UTP20: variants seen among roughly 807,000 people sequenced by gnomAD.
UTP20 encodes UTP20 small subunit processome component, also known as small subunit processome component 20 homolog.
A neutral mutation model predicts 329.5 loss-of-function variants in UTP20; 164 were observed. The observed-to-expected ratio is 0.50, with a 90% CI of 0.44 to 0.57. UTP20 has a LOEUF of 0.57. Ranked by LOEUF, UTP20 falls within the 20% of genes least tolerant of loss-of-function variation. UTP20 has a pLI of 0.00. For synonymous variants in UTP20, 1,151 were observed against 1,159.3 expected (o/e 0.99, Z 0.14); for missense variants, 3,055 against 3,284.2 (o/e 0.93, Z 1.71).
At chr12:101,307,915 A>G (rs1010320579) in intron 17 of UTP20, among the ~76,000 whole-genome samples, 3 of 152,280 alleles carry the variant, frequency 2.0e-5, no homozygotes, top group Non-Finnish European at 2.9e-5. Context: ...TTTTATTTCA[A>G]CAAATGTTGC....
chr12:101,368,044 C>A, intron 48 of UTP20, 68 bp downstream of exon 48: 1 of 1,120,190 alleles, frequency 8.9e-7, no homozygotes, highest in African/African-American at 1.5e-5. Flanking sequence ...TTGCAGAATA[C>A]CTAATGGTTG....
In UTP20 at chr12:101,312,375, C is replaced by A. The variant is rs375412327; in HGVS notation, c.2552+99C>A. On this transcript the variant is annotated intron_variant, in intron 21 of 61. Transcript: ENST00000261637. ...AAGTGGCTGAGTTCTTTGTTTTTTG[C>A]CTTCTTTCTTTCTGCTTCCAATCAT... 2.7e-6 allele frequency: 4 copies of A among 1,478,684 alleles called. No individual in the cohort carries two copies. The African/African-American group carries it at 4.2e-5, about 16-fold the overall frequency. 91.6% of individuals were successfully genotyped at this position (1,478,684 alleles called of 1,614,324 possible).
chr12:101,365,072 T>TAGTGTG (rs1555202433), intron 45 of UTP20, among the ~76,000 whole-genome samples: 19 of 142,010 alleles, frequency 1.3e-4, no homozygotes, highest in Admixed American at 8.5e-4. Context: ...ATTTTGTTGA[T>TAGTGTG]TGTGTGTGTG....
rs765683951 is a variant in UTP20 at position 101,383,557 on chromosome 12, T to C, written c.7944T>C (p.Phe2648=). 3.7e-6 allele frequency: 6 copies of C among 1,613,234 alleles called. No individual in the cohort carries two copies. The highest frequency in any genetic ancestry group is 5.1e-6 in the Non-Finnish European group (6 of 1,179,836). ...TGTACTTTCAGAGAACATGCATCTT[T>C]AAGTTCCTCGGCGCCGTAGCAATGG... ...PRNPLKRTCI[F]KFLGAVAMDL... is the part of the protein sequence containing the mutation. The change falls in exon 60 of 62, where the codon TTT becomes TTC. Residue 2648 remains phenylalanine, a synonymous_variant. Coordinates refer to ENST00000261637, the MANE Select transcript of UTP20 (RefSeq NM_014503.3).
Position 101,348,739 on chromosome 12 carries a change from GTT to G in UTP20, c.4884+2169_4884+2170del, listed in dbSNP as rs35417344. Among the ~76,000 whole-genome samples, 130 of 97,290 alleles carry G rather than the reference GTT, an allele frequency of 1.3e-3. 1 individual carries two copies. Among genetic ancestry groups the G allele is most frequent in the East Asian group, 3.2e-3 (10 of 3,140 alleles). The allele number at this position is 97,290 out of a possible 152,430, so 63.8% of individuals were successfully genotyped here. On this transcript the variant is annotated intron_variant, in intron 38 of 61. Transcript: ENST00000261637. ...TTTGTGTGTATGTGAGTTTTTGGTG[GTT>G]TTTTTTTTTTTTTTTTTGGAGAGAC...
rs1407384203 is a variant in UTP20 at position 101,372,882 on chromosome 12, A to C, written c.6799-2A>C. The stretch of plus-strand genomic sequence containing the variant: ...AATCATCTGTGTGACTTTTGTTCCT[A>C]GGTTTTTCTGAAATATATTCTTGAC... On this transcript the variant is annotated splice_acceptor_variant, in intron 51 of 61. Coordinates refer to ENST00000261637, the MANE Select transcript of UTP20 (RefSeq NM_014503.3). LOFTEE classifies it high-confidence loss of function. 2 of 1,612,802 alleles carry C rather than the reference A, an allele frequency of 1.2e-6. No individual in the cohort carries two copies. Among genetic ancestry groups the C allele is most frequent in the Non-Finnish European group, 1.7e-6 (2 of 1,178,926 alleles).
chr12:101,302,220 C>T (rs573397447), intron 14 of UTP20, among the ~76,000 whole-genome samples: 16 of 152,292 alleles, frequency 1.1e-4, no homozygotes, highest in African/African-American at 3.8e-4. Context: ...TATGAGCCAC[C>T]ATGACCAGCC....
intron 57 of UTP20, 114 bp from the exon 58 acceptor site, chr12:101,381,026 C>A: frequency 1.2e-6 from 1 of 849,312 alleles, no homozygotes; most frequent in Non-Finnish European, 1.9e-6. Context: ...TACAGGTGGT[C>A]ATTCAGAGCA....
At chr12:101,340,888 G>C (rs141432751) in intron 32 of UTP20, among the ~76,000 whole-genome samples, 60 of 140,518 alleles carry the variant, frequency 4.3e-4, no homozygotes, top group African/African-American at 1.5e-3. Flanking sequence ...CATTTCAGGG[G>C]TTTTTCTTTC....
chr12:101,383,794 A>T (rs1012836000), intron 60 of UTP20, 125 bp downstream of exon 60: 26 of 370,984 alleles, frequency 7.0e-5, no homozygotes, highest in African/African-American at 1.1e-4. Context: ...TTATATATAT[A>T]TTTTAATTAT....
intron 40 of UTP20, among the ~76,000 whole-genome samples, chr12:101,354,582 T>C (rs141394644): frequency 3.9e-5 from 6 of 152,274 alleles, no homozygotes; most frequent in African/African-American, 1.4e-4. Flanking sequence ...CCAATTACCC[T>C]GTACCTGCAG....
At chr12:101,331,886 GTT>G (rs1039604792) in intron 27 of UTP20, among the ~76,000 whole-genome samples, 4 of 142,784 alleles carry the variant, frequency 2.8e-5, no homozygotes, top group Non-Finnish European at 3.1e-5. Flanking sequence ...TCTCCCATTT[GTT>G]TTTTTTTTTT....
intron 57 of UTP20, 142 bp from the exon 58 acceptor site, chr12:101,380,998 C>T (rs906340455): frequency 1.5e-6 from 1 of 672,830 alleles, no homozygotes; most frequent in Non-Finnish European, 2.6e-6. Flanking sequence ...GGTCATGAAC[C>T]TTTCCTCTCC....
rs1212212526 is a variant in UTP20 at position 101,386,175 on chromosome 12, T to C, written c.*52T>C. On this transcript the variant is annotated 3_prime_UTR_variant, in exon 62 of 62. Coordinates refer to ENST00000261637, the MANE Select transcript of UTP20 (RefSeq NM_014503.3). ...AACTTTCTGGAATATTCTGCTAGTC[T>C]GAAATTACAGTAGGTTGTCTGGGGT... 2 of 1,542,316 alleles carry C rather than the reference T, an allele frequency of 1.3e-6. No homozygotes were observed. Among genetic ancestry groups the C allele is most frequent in the African/African-American group, 2.8e-5 (2 of 70,574 alleles).
chr12:101,346,376 G>T, intron 37 of UTP20, 75 bp from the exon 38 acceptor site: 1 of 1,480,892 alleles, frequency 6.8e-7, no homozygotes, highest in South Asian at 1.4e-5. Context: ...TATGAAAAGA[G>T]AATACGATAC....
chr12:101,342,545 A>C lies in UTP20; in HGVS notation c.4201A>C (p.Ile1401Leu), dbSNP rs528536715. Reference sequence around the variant, plus strand: ...GCCTATAGCAAAACTTTTCTCAGTTATTAAGAACAAATTGTCAAGAAAATT... The same window carrying C: ...GCCTATAGCAAAACTTTTCTCAGTTCTTAAGAACAAATTGTCAAGAAAATT... ...LKPIAKLFSV[I>L]KNKLSRKLLC... The change falls in exon 33 of 62, where the codon ATT (isoleucine) becomes CTT (leucine). Residue 1401 changes from isoleucine (I) to leucine (L), a missense_variant. Transcript: ENST00000261637. 1 of 1,613,732 alleles carries C rather than the reference A, an allele frequency of 6.2e-7. No homozygotes were observed. Among genetic ancestry groups the C allele is most frequent in the African/African-American group, 1.3e-5 (1 of 75,038 alleles).
chr12:101,338,779 T>G, intron 30 of UTP20, 34 bp from the exon 31 acceptor site: 1 of 1,548,988 alleles, frequency 6.5e-7, no homozygotes, highest in Non-Finnish European at 8.7e-7. Flanking sequence ...TAAGAGAGTT[T>G]ATTAAAATCA....
At chr12:101,351,010 C>A (rs1022648332) in intron 38 of UTP20, among the ~76,000 whole-genome samples, 1 of 152,124 alleles carries the variant, frequency 6.6e-6, no homozygotes, top group African/African-American at 2.4e-5. Flanking sequence ...CTTAACAGTT[C>A]TCTCCACACA....
chr12:101,337,360 T>C (rs1275263000), intron 29 of UTP20, among the ~76,000 whole-genome samples: 2 of 152,244 alleles, frequency 1.3e-5, no homozygotes, highest in Non-Finnish European at 2.9e-5. Context: ...ATCTGGATTG[T>C]TTCTGTTTGA....
Sources: gnomAD v4.1 joint callset for allele counts (sites outside exome capture counted in the v4.1 genomes callset) on GRCh38, gnomAD v4.1.1 for gene constraint, MANE v1.5 for transcripts, NCBI Gene and HGNC (gene_info 2026-07-23, HGNC 2026-07-21) for gene names.